The following ATRX variants were observed in gnomAD, a reference collection of about 807,000 sequenced individuals.
The protein encoded by ATRX is chromatin remodeler ATRX.
ATRX carries 12 observed loss-of-function variants against 172.6 expected under a neutral mutation model. The ratio of observed to expected loss-of-function variants is 0.07; its 90% CI spans 0.04 to 0.11. ATRX has a LOEUF of 0.11. Ranked by LOEUF, ATRX falls within the 10% of genes least tolerant of loss-of-function variation. ATRX has a pLI of 1.00. For missense variants in ATRX, 1,368 were observed against 1,767.4 expected (o/e 0.77, Z 4.05); for synonymous variants, 674 against 594.7 (o/e 1.13, Z -1.94).
chrX:77,779,783 T>C (rs997300559), intron 1 of ATRX, among the ~76,000 whole-genome samples: 17 of 112,208 alleles, frequency 1.5e-4, no homozygotes, highest in African/African-American at 4.8e-4. Flanking sequence ...GATATATACA[T>C]GTGAATACTA....
chrX:77,680,766 C>A (rs1942396104), intron 9 of ATRX, among the ~76,000 whole-genome samples: 1 of 110,724 alleles, frequency 9.0e-6, no homozygotes, highest in Non-Finnish European at 1.9e-5. Flanking sequence ...GACAAATGAC[C>A]AATACACATT....
intron 19 of ATRX, among the ~76,000 whole-genome samples, chrX:77,624,873 TCA>T (rs1266919904): frequency 1.8e-5 from 2 of 111,473 alleles, no homozygotes; most frequent in Non-Finnish European, 3.8e-5. Context: ...CCATCATTCT[TCA>T]GAGTTAGAAA....
chrX:77,740,463 T>G (rs2074809453), intron 1 of ATRX, among the ~76,000 whole-genome samples: 1 of 110,927 alleles, frequency 9.0e-6, no homozygotes, highest in Non-Finnish European at 1.9e-5. Context: ...TGAGGAAAAT[T>G]TCCTTGTGCC....
chrX:77,563,021 C>A (rs782217222), intron 28 of ATRX, among the ~76,000 whole-genome samples: 7 of 112,403 alleles, frequency 6.2e-5, no homozygotes, highest in South Asian at 3.7e-4. Context: ...ATGCAAATTG[C>A]AAATATTTTC....
Position 77,683,828 on chromosome X carries a change from C to G in ATRX, c.1428G>C (p.Gln476His), listed in dbSNP as rs1487335663. Reference sequence around the variant, plus strand: ...TTCTTTGTTCCTCTGTTGGAACATTCTGATGCATGTGCTCACTATCTACCT... The same window carrying G: ...TTCTTTGTTCCTCTGTTGGAACATTGTGATGCATGTGCTCACTATCTACCT... Reference protein sequence around the residue: ...RKQVDSEHMHQNVPTEEQRTN... With the variant: ...RKQVDSEHMHHNVPTEEQRTN... Residue 476 changes from glutamine (Q) to histidine (H), a missense_variant, in exon 9 of 35, where the codon CAG becomes CAC. Transcript: ENST00000373344. The G allele has an allele frequency of 8.3e-7, 1 of 1,209,689 alleles. No individual in the cohort carries two copies. The highest frequency in any genetic ancestry group is 1.1e-6 in the Non-Finnish European group (1 of 893,572).
At chrX:77,521,586 G>A (rs2063234030) in intron 32 of ATRX, 88 bp from the exon 33 acceptor site, 5 of 704,201 alleles carry the variant, frequency 7.1e-6, no homozygotes, top group African/African-American at 2.1e-5. Flanking sequence ...CCAACTTAGA[G>A]CAGTCGGTTT....
chrX:77,677,113 A>T (rs950232827), intron 9 of ATRX, among the ~76,000 whole-genome samples: 16 of 95,519 alleles, frequency 1.7e-4, no homozygotes, highest in African/African-American at 6.0e-4. Flanking sequence ...CAACTCTCTC[A>T]AAAAAAAAAA....
Position 77,682,453 on chromosome X carries a change from C to A in ATRX, c.2803G>T (p.Glu935Ter), listed in dbSNP as rs2148588476. The change falls in exon 9 of 35, where the codon GAA becomes TAA. Residue 935 changes from glutamate to a stop codon, truncating the protein, a stop_gained. Transcript: ENST00000373344. LOFTEE classifies it high-confidence loss of function. The part of the protein sequence containing the change: ...SGKEESFTSL[E>*]VRKVAETKEK... Reference sequence around the variant, plus strand: ...TTAGTTTCAGCAACTTTTCTAACTTCCAAAGAAGTAAAACTCTCCTCTTTC... The same window carrying A: ...TTAGTTTCAGCAACTTTTCTAACTTACAAAGAAGTAAAACTCTCCTCTTTC... The A allele has an allele frequency of 8.3e-7, 1 of 1,211,259 alleles. No individual in the cohort carries two copies. The highest frequency in any genetic ancestry group is 1.8e-5 in the South Asian group (1 of 56,966).
intron 34 of ATRX, among the ~76,000 whole-genome samples, chrX:77,514,070 C>T (rs2062972636): frequency 9.0e-6 from 1 of 111,265 alleles, no homozygotes. Context: ...AAGGTCTCTA[C>T]AATGAGAACT....
intron 2 of ATRX, among the ~76,000 whole-genome samples, chrX:77,702,218 G>A (rs972226602): frequency 8.9e-6 from 1 of 112,210 alleles, no homozygotes; most frequent in East Asian, 2.8e-4. Flanking sequence ...CGAGGCAGGC[G>A]GATCACCAGA....
intron 1 of ATRX, among the ~76,000 whole-genome samples, chrX:77,763,097 G>A (rs2075779464): frequency 9.1e-6 from 1 of 110,380 alleles, no homozygotes; most frequent in African/African-American, 3.3e-5. Flanking sequence ...TGGGTGACAG[G>A]TACTTAGGGG....
intron 19 of ATRX, among the ~76,000 whole-genome samples, chrX:77,622,568 G>A (rs1388551134): frequency 9.0e-6 from 1 of 111,558 alleles, no homozygotes; most frequent in Non-Finnish European, 1.9e-5. Flanking sequence ...AACTCCACAG[G>A]GAGAAGGACT....
In ATRX at chrX:77,684,410, G is replaced by T. The variant is rs148015780; in HGVS notation, c.846C>A (p.Ser282Arg). ...ACAACTGTTCTAAATTCTCAAATACGCTGTTACATGCAGTGACCAAGTCCA... is the reference window on the plus strand; with the variant it reads ...ACAACTGTTCTAAATTCTCAAATACTCTGTTACATGCAGTGACCAAGTCCA... Reference protein sequence around the residue: ...PLLDLVTACNSVFENLEQLLQ... With the variant: ...PLLDLVTACNRVFENLEQLLQ... Residue 282 changes from serine to arginine, a missense_variant, in exon 9 of 35, where the codon AGC (serine) becomes AGA (arginine). By Grantham distance (110) the Ser-to-Arg change is moderately radical. Around this residue, in one of 17 missense-constraint regions of ATRX, gnomAD observed 17 missense variants for 30.3 expected, o/e 0.56. Coordinates refer to ENST00000373344, the MANE Select transcript of ATRX (RefSeq NM_000489.6). 8.3e-7 allele frequency: 1 copy of T among 1,210,513 alleles called. No homozygotes were observed. Among genetic ancestry groups the T allele is most frequent in the Non-Finnish European group, 1.1e-6 (1 of 894,600 alleles).
intron 1 of ATRX, among the ~76,000 whole-genome samples, chrX:77,739,161 C>T (rs1557180693): frequency 9.1e-6 from 1 of 110,205 alleles, no homozygotes; most frequent in African/African-American, 3.3e-5. Flanking sequence ...CTCTGAGTCC[C>T]CAAAAGCCAC....
chrX:77,608,915 TA>T, intron 22 of ATRX, among the ~76,000 whole-genome samples: 1 of 111,541 alleles, frequency 9.0e-6, no homozygotes, highest in African/African-American at 3.3e-5. Context: ...ACAACCTAAT[TA>T]AAAAATTGGC....
chrX:77,517,440 A>T (rs782000463), intron 34 of ATRX, among the ~76,000 whole-genome samples: 1 of 111,929 alleles, frequency 8.9e-6, no homozygotes, highest in East Asian at 2.8e-4. Context: ...GATAAATTCC[A>T]AGACTCATAC....
intron 2 of ATRX, among the ~76,000 whole-genome samples, chrX:77,701,015 G>A (rs1421747726): frequency 2.7e-5 from 3 of 112,033 alleles, no homozygotes; most frequent in Middle Eastern, 9.2e-3. Context: ...AACACCAAGA[G>A]TGAACCTTAA....
At chrX:77,628,569 A>G (rs781840624) in intron 19 of ATRX, among the ~76,000 whole-genome samples, 30 of 112,376 alleles carry the variant, frequency 2.7e-4, no homozygotes, top group African/African-American at 9.7e-4. Flanking sequence ...GTAAACCTCT[A>G]TTAAATCCCT....
At chrX:77,765,356 T>C (rs1216717951) in intron 1 of ATRX, among the ~76,000 whole-genome samples, 1 of 112,198 alleles carries the variant, frequency 8.9e-6, no homozygotes, top group Non-Finnish European at 1.9e-5. Flanking sequence ...GTCACAGCAA[T>C]AGAAGTGTAG....
Sources: allele counts gnomAD v4.1 joint callset (sites outside exome capture counted in the v4.1 genomes callset), GRCh38; gene constraint gnomAD v4.1.1; regional missense constraint gnomAD v4.1.1; transcripts MANE v1.5; gene names NCBI Gene and HGNC (gene_info 2026-07-23, HGNC 2026-07-21).